Variants in KCNQ3 observed in about 807,000 individuals in gnomAD.
KCNQ3 encodes the protein potassium voltage-gated channel subfamily Q member 3.
Under a neutral mutation model 92.5 loss-of-function variants are expected in KCNQ3, and 30 were observed. The ratio of observed to expected loss-of-function variants is 0.32; its 90% confidence interval spans 0.24 to 0.44. The LOEUF is 0.44. KCNQ3 is among the 20% of genes least tolerant of loss of function. The probability of loss-of-function intolerance (pLI) is 1.00; values close to 1 mark genes in which losing one functional copy is unlikely to be tolerated. For missense variants in KCNQ3, 913 were observed against 1,140.3 expected (o/e 0.80, Z 2.87); for synonymous variants, 450 against 468.8 (o/e 0.96, Z 0.52).
chr8:132,357,453 CT>C (rs1026087492), intron 1 of KCNQ3, among the ~76,000 whole-genome samples: 1 of 152,220 alleles, frequency 6.6e-6, no homozygotes, highest in Admixed American at 6.5e-5. Flanking sequence ...TTATCCATGT[CT>C]CCTCAGACAA....
chr8:132,291,742 G>T (rs563452707), intron 1 of KCNQ3, among the ~76,000 whole-genome samples: 3 of 152,152 alleles, frequency 2.0e-5, no homozygotes, highest in Non-Finnish European at 4.4e-5. Flanking sequence ...CCTCCAAATT[G>T]TTGGGGTGAT....
At chr8:132,403,068 C>T (rs186168342) in intron 1 of KCNQ3, among the ~76,000 whole-genome samples, 1 of 139,602 alleles carries the variant, frequency 7.2e-6, no homozygotes, top group East Asian at 2.2e-4. Context: ...AACAAATGTA[C>T]CATACTAATG....
intron 8 of KCNQ3, among the ~76,000 whole-genome samples, chr8:132,167,728 A>T (rs1826181997): frequency 6.6e-6 from 1 of 152,262 alleles, no homozygotes; most frequent in South Asian, 2.1e-4. Context: ...ATATCACAGC[A>T]GCTGTCTGCA....
chr8:132,211,226 G>C (rs776818362), intron 1 of KCNQ3, among the ~76,000 whole-genome samples: 2 of 152,136 alleles, frequency 1.3e-5, no homozygotes, highest in Non-Finnish European at 2.9e-5. Flanking sequence ...TTCCAAGATG[G>C]ACAAAAATAG....
intron 1 of KCNQ3, among the ~76,000 whole-genome samples, chr8:132,272,644 C>T (rs899328195): frequency 1.3e-5 from 2 of 152,156 alleles, no homozygotes; most frequent in African/African-American, 4.8e-5. Flanking sequence ...AGAGAGAGAG[C>T]TTGTGCAGGG....
chr8:132,365,645 G>A (rs567794653), intron 1 of KCNQ3, among the ~76,000 whole-genome samples: 1 of 152,274 alleles, frequency 6.6e-6, no homozygotes, highest in East Asian at 1.9e-4. Context: ...CTCAAAGTTT[G>A]TTGTCAAGTA....
chr8:132,142,515 C>T (rs1336297947), intron 9 of KCNQ3, among the ~76,000 whole-genome samples: 1 of 152,106 alleles, frequency 6.6e-6, no homozygotes, highest in African/African-American at 2.4e-5. Flanking sequence ...GCTTTTGCCC[C>T]CTTACCCTAG....
chr8:132,414,458 G>A (rs1820739645), intron 1 of KCNQ3, among the ~76,000 whole-genome samples: 1 of 152,238 alleles, frequency 6.6e-6, no homozygotes, highest in Non-Finnish European at 1.5e-5. Flanking sequence ...CATGTCAAAT[G>A]CAGCTGCTAT....
rs571365582 is a variant in KCNQ3 at position 132,224,719 on chromosome 8, A to C, written c.387-38538T>G. Among the ~76,000 whole-genome samples, 128 of 151,932 alleles carry C rather than the reference A, an allele frequency of 8.4e-4. 2 individuals carry two copies. In the Middle Eastern group the frequency reaches 0.014, roughly 16 times the overall value. On this transcript the variant is annotated intron_variant, in intron 1 of 14. Transcript: ENST00000388996. ...AGCTGAAAAATAAGCCAAATTTTCT[A>C]GTCCATATTCAACTCAAATACCTTG... is the stretch of plus-strand genomic sequence containing the variant.
In KCNQ3 at chr8:132,415,662, A is replaced by C. The variant is rs145215392; in HGVS notation, c.386+64485T>G. ...GCAGCCCCAGGCTCTGGTGCTGTAC[A>C]TGGTATGGACAGTTCTTTTGATGGC... On this transcript the variant is annotated intron_variant, in intron 1 of 14. Coordinates refer to ENST00000388996, the MANE Select transcript of KCNQ3 (RefSeq NM_004519.4). 4.2e-3 allele frequency among the ~76,000 whole-genome samples: 640 copies of C among 152,156 alleles called. 7 individuals carry two copies. Among genetic ancestry groups the C allele is most frequent in the African/African-American group, 0.014 (590 of 41,510 alleles).
intron 1 of KCNQ3, among the ~76,000 whole-genome samples, chr8:132,456,166 C>G (rs1821934118): frequency 6.6e-6 from 1 of 152,156 alleles, no homozygotes; most frequent in East Asian, 1.9e-4. Context: ...TAAAAACTCT[C>G]AGCTCCAAAA....
intron 1 of KCNQ3, among the ~76,000 whole-genome samples, chr8:132,239,348 A>G (rs571461924): frequency 2.0e-5 from 3 of 152,370 alleles, no homozygotes; most frequent in African/African-American, 7.2e-5. Context: ...ACATGAATAA[A>G]TAAAAGCTGA....
intron 1 of KCNQ3, among the ~76,000 whole-genome samples, chr8:132,316,307 T>A (rs1360655081): frequency 6.6e-6 from 1 of 152,182 alleles, no homozygotes; most frequent in Non-Finnish European, 1.5e-5. Context: ...TCTCCCCTTC[T>A]GAGTCACTCT....
In KCNQ3 at chr8:132,125,246, T is replaced by C. The variant is rs1824626296; in HGVS notation, c.*4016A>G. On this transcript the variant is annotated 3_prime_UTR_variant, in exon 15 of 15. Transcript: ENST00000388996. ...AGTCCCCATTCAACCCACTCAGCCT[T>C]GACTGGGCTGATTGGATCATTGCCA... 6.6e-6 allele frequency: 1 copy of C among 152,220 alleles called. No homozygotes were observed. The highest frequency in any genetic ancestry group is 6.5e-5 in the Admixed American group (1 of 15,282). 9.4% of individuals were successfully genotyped at this position (152,220 alleles called of 1,614,324 possible).
intron 1 of KCNQ3, among the ~76,000 whole-genome samples, chr8:132,425,345 C>G (rs990945456): frequency 1.6e-4 from 24 of 152,210 alleles, no homozygotes; most frequent in Non-Finnish European, 2.9e-5. Context: ...TAAACTCCAT[C>G]AATTACTAGC....
intron 1 of KCNQ3, among the ~76,000 whole-genome samples, chr8:132,449,051 A>AATATT (rs1192833742): frequency 3.3e-5 from 5 of 152,144 alleles, no homozygotes; most frequent in Non-Finnish European, 5.9e-5. Flanking sequence ...CCCTGAGCAA[A>AATATT]ATATTGGACC....
intron 1 of KCNQ3, among the ~76,000 whole-genome samples, chr8:132,475,005 G>A (rs1022128043): frequency 6.6e-6 from 1 of 152,088 alleles, no homozygotes; most frequent in African/African-American, 2.4e-5. Flanking sequence ...TGTCGTGATA[G>A]AATTCTCATA....
intron 1 of KCNQ3, among the ~76,000 whole-genome samples, chr8:132,467,159 G>C (rs559473392): frequency 1.7e-4 from 26 of 152,166 alleles, no homozygotes; most frequent in Admixed American, 3.3e-4. Context: ...AGAAACTAGA[G>C]AGTAAATCAG....
chr8:132,452,832 A>C (rs1404511755), intron 1 of KCNQ3, among the ~76,000 whole-genome samples: 1 of 152,130 alleles, frequency 6.6e-6, no homozygotes, highest in African/African-American at 2.4e-5. Context: ...ACAAACACAC[A>C]CTACAGTCTG....
Sources: gnomAD v4.1 joint callset for allele counts (sites outside exome capture counted in the v4.1 genomes callset) on GRCh38, gnomAD v4.1.1 for gene constraint, MANE v1.5 for transcripts, NCBI Gene and HGNC (gene_info 2026-07-23, HGNC 2026-07-21) for gene names.